The following CCDC7 variants were observed in gnomAD, a reference collection of about 807,000 sequenced individuals.
CCDC7 encodes coiled-coil domain containing 7.
Under a neutral mutation model 196.9 loss-of-function variants are expected in CCDC7, and 183 were observed. That is an observed-to-expected ratio of 0.93 (90% CI 0.82 to 1.05). The LOEUF is 1.05. Ranked by LOEUF, CCDC7 falls within the 50% of genes least tolerant of loss-of-function variation. The probability of loss-of-function intolerance (pLI) is 0.00; values close to 1 mark genes in which losing one functional copy is unlikely to be tolerated. For missense variants in CCDC7, 1,540 were observed against 1,482.2 expected (o/e 1.04, Z -0.64); for synonymous variants, 525 against 484.6 (o/e 1.08, Z -1.10).
intron 28 of CCDC7, among the ~76,000 whole-genome samples, chr10:32,731,285 T>A (rs144017732): frequency 0.011 from 1,744 of 152,308 alleles, 11 homozygotes; most frequent in Middle Eastern, 0.024. Flanking sequence ...TGCATTTTTT[T>A]AAGTCATATC....
intron 21 of CCDC7, among the ~76,000 whole-genome samples, chr10:32,677,174 A>T (rs1334734097): frequency 7.5e-4 from 100 of 133,870 alleles, no homozygotes; most frequent in Admixed American, 3.5e-3. Context: ...ATGAGAACAC[A>T]TGGACACAGG....
At chr10:32,506,346 G>A (rs12572485) in intron 9 of CCDC7, among the ~76,000 whole-genome samples, 13,287 of 150,194 alleles carry the variant, frequency 0.088, 824 homozygotes, top group East Asian at 0.33. Context: ...TGGTGGCCGG[G>A]CAGAGGCGCT....
intron 38 of CCDC7, 43 bp downstream of exon 39, chr10:32,847,959 C>T (rs376367770): frequency 3.5e-5 from 44 of 1,250,402 alleles, no homozygotes; most frequent in East Asian, 2.8e-4. Flanking sequence ...AGTTTATCTT[C>T]TCTGGGGTTT....
intron 29 of CCDC7, among the ~76,000 whole-genome samples, chr10:32,792,707 G>A (rs1348093517): frequency 6.6e-6 from 1 of 152,182 alleles, no homozygotes; most frequent in Non-Finnish European, 1.5e-5. Context: ...GGCTGAGGCA[G>A]GAGAATCACT....
chr10:32,787,050 G>A (rs933532413), intron 29 of CCDC7, among the ~76,000 whole-genome samples: 1 of 152,004 alleles, frequency 6.6e-6, no homozygotes, highest in South Asian at 2.1e-4. Flanking sequence ...CGAAGGAAAG[G>A]GAAGGGACCT....
intron 21 of CCDC7, among the ~76,000 whole-genome samples, chr10:32,682,400 G>T (rs1173366224): frequency 6.6e-6 from 1 of 152,194 alleles, no homozygotes; most frequent in Non-Finnish European, 1.5e-5. Context: ...GTCCACTGTT[G>T]ATGAGCAGGC....
At chr10:32,772,294 T>C (rs575185655) in intron 28 of CCDC7, among the ~76,000 whole-genome samples, 1 of 152,262 alleles carries the variant, frequency 6.6e-6, no homozygotes, top group East Asian at 1.9e-4. Context: ...TAGTTCCCAC[T>C]CATTTGGTGA....
At chr10:32,729,231 C>T in intron 27 of CCDC7, 101 bp from the exon 29 acceptor site, 1 of 1,209,466 alleles carries the variant, frequency 8.3e-7, no homozygotes, top group Non-Finnish European at 1.2e-6. Flanking sequence ...CTCATGAAAA[C>T]TATTCACATG....
At chr10:32,686,637 T>C (rs924345674) in intron 22 of CCDC7, among the ~76,000 whole-genome samples, 19 of 152,290 alleles carry the variant, frequency 1.2e-4, no homozygotes, top group African/African-American at 4.6e-4. Flanking sequence ...AGTAGCAGAA[T>C]AGGTTCACAA....
At chr10:32,847,220 G>A (rs1012205972) in intron 37 of CCDC7, among the ~76,000 whole-genome samples, 3 of 152,114 alleles carry the variant, frequency 2.0e-5, no homozygotes, top group African/African-American at 7.2e-5. Flanking sequence ...TAAATAAGGA[G>A]AGAACAATGA....
chr10:32,876,312 CT>C (rs773339797), intron 41 of CCDC7, 34 bp from the exon 43 acceptor site: 20 of 1,561,146 alleles, frequency 1.3e-5, no homozygotes, highest in Admixed American at 1.8e-5. Context: ...TAAAATTAAA[CT>C]TTTTTTCAAT....
chr10:32,639,815 G>T (rs2066383317), intron 20 of CCDC7, among the ~76,000 whole-genome samples: 1 of 152,024 alleles, frequency 6.6e-6, no homozygotes. Context: ...ATTTTTAGTA[G>T]AGATGGGGTT....
intron 3 of CCDC7, among the ~76,000 whole-genome samples, chr10:32,457,439 A>T (rs775995153): frequency 1.1e-4 from 16 of 152,238 alleles, no homozygotes; most frequent in Non-Finnish European, 1.8e-4. Flanking sequence ...ATTGATGGAC[A>T]TTTAGGTTGA....
intron 31 of CCDC7, among the ~76,000 whole-genome samples, chr10:32,816,199 T>C (rs1041009556): frequency 6.6e-5 from 10 of 152,222 alleles, no homozygotes; most frequent in Admixed American, 3.3e-4. Context: ...ATCCTGCGCA[T>C]GGCTCGGAGG....
intron 20 of CCDC7, among the ~76,000 whole-genome samples, chr10:32,642,178 G>A (rs2066927547): frequency 6.6e-6 from 1 of 152,200 alleles, no homozygotes; most frequent in South Asian, 2.1e-4. Context: ...CTTCAAAGCT[G>A]TCAGACAGGG....
chr10:32,845,889 A>C, exon 36 of CCDC7: 8 of 1,610,624 alleles, frequency 5.0e-6, no homozygotes, highest in Non-Finnish European at 6.8e-6. Context: ...CTGATAAGGA[A>C]TTCTTGGCAG....
At chr10:32,583,903 A>G (rs1473243738) in intron 17 of CCDC7, among the ~76,000 whole-genome samples, 2 of 152,036 alleles carry the variant, frequency 1.3e-5, no homozygotes, top group African/African-American at 4.8e-5. Context: ...TAAAGATTAA[A>G]ACAGACTAAA....
At chr10:32,683,574 C>T (rs2076103541) in intron 21 of CCDC7, among the ~76,000 whole-genome samples, 1 of 152,140 alleles carries the variant, frequency 6.6e-6, no homozygotes, top group Admixed American at 6.6e-5. Flanking sequence ...AGTAGTATGG[C>T]AATTTTAGCA....
chr10:32,540,837 G>A (rs186623640), intron 11 of CCDC7, among the ~76,000 whole-genome samples: 2 of 152,126 alleles, frequency 1.3e-5, no homozygotes, highest in Non-Finnish European at 2.9e-5. Flanking sequence ...AAAATCTGAC[G>A]ATTATGTGTC....
Sources: gnomAD v4.1 joint callset for allele counts (sites outside exome capture counted in the v4.1 genomes callset) on GRCh38, gnomAD v4.1.1 for gene constraint, MANE v1.5 for transcripts, NCBI Gene and HGNC (gene_info 2026-07-23, HGNC 2026-07-21) for gene names.